Variants in PNKD observed in about 807,000 individuals in gnomAD.
PNKD encodes the protein PNKD metallo-beta-lactamase domain containing, also known as probable thioesterase PNKD.
PNKD carries 36 observed loss-of-function variants against 45.3 expected under a neutral mutation model. The observed-to-expected ratio is 0.80, with a 90% CI of 0.61 to 1.05. PNKD has a LOEUF of 1.05. Ranked by LOEUF, PNKD falls within the 50% of genes least tolerant of loss-of-function variation. PNKD has a pLI of 0.00. For missense variants in PNKD, 511 were observed against 506.6 expected (o/e 1.01, Z -0.08); for synonymous variants, 197 against 210.1 (o/e 0.94, Z 0.54).
rs1355862738 is a variant in PNKD at position 218,343,555 on chromosome 2, G to A, written c.837G>A (p.Leu279=). 6.8e-6 allele frequency: 11 copies of A among 1,613,418 alleles called. No homozygotes were observed. The highest frequency in any genetic ancestry group is 1.6e-4 in the Middle Eastern group (1 of 6,084). ...TGCTGAGCTCACTGGACACTGTGCTGGGGCTAGGGGATGACACCCTTCTGT... is the reference window on the plus strand; with the variant it reads ...TGCTGAGCTCACTGGACACTGTGCTAGGGCTAGGGGATGACACCCTTCTGT... ...ETMLSSLDTV[L]GLGDDTLLWP... is the part of the protein sequence containing the mutation. Residue 279 remains leucine, a synonymous_variant, in exon 8 of 10, where the codon CTG becomes CTA. Coordinates refer to ENST00000273077, the MANE Select transcript of PNKD (RefSeq NM_015488.5).
At chr2:218,310,081 G>A (rs1393051400) in intron 2 of PNKD, among the ~76,000 whole-genome samples, 2 of 152,142 alleles carry the variant, frequency 1.3e-5, no homozygotes, top group Admixed American at 1.3e-4. Flanking sequence ...CTCGGGTGCT[G>A]GCATTTCCTC....
At chr2:218,308,187 G>T (rs1239686510) in intron 2 of PNKD, among the ~76,000 whole-genome samples, 1 of 138,228 alleles carries the variant, frequency 7.2e-6, no homozygotes, top group African/African-American at 2.6e-5. Context: ...AAGCATTTTA[G>T]ATTTTTTTTT....
chr2:218,315,057 T>TCTTTCTTTTTCTTCCTTCCTTCCTTC lies in PNKD; in HGVS notation c.237-24723_237-24722insTCTTTTTCTTCCTTCCTTCCTTCCTT, dbSNP rs61429059. Among the ~76,000 whole-genome samples, 3 of 55,544 alleles carry TCTTTCTTTTTCTTCCTTCCTTCCTTC rather than the reference T, an allele frequency of 5.4e-5. 1 individual carries two copies. Among genetic ancestry groups the TCTTTCTTTTTCTTCCTTCCTTCCTTC allele is most frequent in the Non-Finnish European group, 1.2e-4 (3 of 25,620 alleles). The allele number at this position is 55,544 out of a possible 152,430, so 36.4% of individuals were successfully genotyped here. A position where few individuals can be genotyped will look rare whatever the true frequency, so the allele number is the denominator to read the frequency against. On this transcript the variant is annotated intron_variant, in intron 2 of 9. Coordinates refer to ENST00000273077, the MANE Select transcript of PNKD (RefSeq NM_015488.5). Reference sequence around the variant, plus strand: ...CTTTCTTTTTCTTTCTTTCTTTCTTTCTTCCTTCCTTCCTTCCTTTCTTTC... The same window carrying TCTTTCTTTTTCTTCCTTCCTTCCTTC: ...CTTTCTTTTTCTTTCTTTCTTTCTTTCTTTCTTTTTCTTCCTTCCTTCCTTCCTTCCTTCCTTCCTTCCTTTCTTTC...
intron 2 of PNKD, chr2:218,323,052 C>A: frequency 1.9e-6 from 1 of 532,466 alleles, no homozygotes; most frequent in Non-Finnish European, 2.7e-6. Context: ...GCCAGCCGGG[C>A]GGAGCCAGGC....
Position 218,346,058 on chromosome 2 carries a change from G to A in PNKD, c.*1077G>A, listed in dbSNP as rs9076. 67,991 of 152,204 alleles carry A rather than the reference G, an allele frequency of 0.45. 17,051 individuals are homozygous for A. The highest frequency in any genetic ancestry group is 0.63 in the East Asian group (3,321 of 5,298). 9.4% of individuals were successfully genotyped at this position (152,204 alleles called of 1,614,324 possible). ...GGCTGGCAGGAGGGGGCTCTGACGTGCAGGTTGGAAATCAGAAGTCTGTGA... is the reference window on the plus strand; with the variant it reads ...GGCTGGCAGGAGGGGGCTCTGACGTACAGGTTGGAAATCAGAAGTCTGTGA... On this transcript the variant is annotated 3_prime_UTR_variant, in exon 10 of 10. Transcript: ENST00000273077.
intron 7 of PNKD, among the ~76,000 whole-genome samples, chr2:218,343,085 T>C (rs1694727521): frequency 6.6e-6 from 1 of 152,008 alleles, no homozygotes; most frequent in South Asian, 2.1e-4. Flanking sequence ...ATACAGTGAC[T>C]GGCAGGACTA....
rs529589318 is a variant in PNKD, at chr2:218,340,296, G to A, written c.465+155G>A. Reference sequence around the variant, plus strand: ...TGCACATGCGCACACATAGCCTGGGGAAGGGGGGTACAGGGCATGGCTGGG... The same window carrying A: ...TGCACATGCGCACACATAGCCTGGGAAAGGGGGGTACAGGGCATGGCTGGG... On this transcript the variant is annotated intron_variant, in intron 4 of 9. Transcript: ENST00000273077. This position sits in a 1 kb window ranked among gnomAD's most constrained non-coding sequence, Gnocchi z 4.2. Among the ~76,000 whole-genome samples the A allele has an allele frequency of 6.6e-6, 1 of 152,266 alleles. No individual in the cohort carries two copies. The highest frequency in any genetic ancestry group is 1.9e-4 in the East Asian group (1 of 5,172).
At chr2:218,305,279 G>A (rs571997238) in intron 2 of PNKD, among the ~76,000 whole-genome samples, 1 of 152,216 alleles carries the variant, frequency 6.6e-6, no homozygotes, top group South Asian at 2.1e-4. Context: ...GGGGATGAGG[G>A]AGAGACAAAC....
At chr2:218,295,178 G>T (rs1045062678) in intron 2 of PNKD, among the ~76,000 whole-genome samples, 1 of 152,164 alleles carries the variant, frequency 6.6e-6, no homozygotes, top group African/African-American at 2.4e-5. Flanking sequence ...GCAGTGCTTC[G>T]CTGGCAATAG....
intron 2 of PNKD, among the ~76,000 whole-genome samples, chr2:218,303,574 C>CT (rs59067154): frequency 0.018 from 1,812 of 101,650 alleles, 48 homozygotes; most frequent in East Asian, 0.036. Flanking sequence ...ACCTGCACTT[C>CT]TTTTTTTTTT....
chr2:218,312,028 A>C (rs1693630110), intron 2 of PNKD, among the ~76,000 whole-genome samples: 1 of 152,250 alleles, frequency 6.6e-6, no homozygotes, highest in African/African-American at 2.4e-5. Flanking sequence ...AACAAGGCAC[A>C]TCCTGCACAG....
At chr2:218,280,215 G>A (rs771664213) in intron 2 of PNKD, 3 of 956,510 alleles carry the variant, frequency 3.1e-6, no homozygotes, top group South Asian at 2.7e-5. Flanking sequence ...AAGTCTCAGG[G>A]ATCTCCAGCC....
At position 218,271,542 on chromosome 2, in the gene PNKD, CTGGCCTGG is replaced by C. The variant is rs1690832713; in HGVS notation, c.232_236+3del. The stretch of plus-strand genomic sequence containing the variant: ...CAAGAACCCCATGAAAGCTGTGGGA[CTGGCCTGG>C]TGAGTTTTAACCACCCCTTTGCCCA... On this transcript the variant is annotated splice_donor_variant and coding_sequence_variant, in exon 2 of 10. Transcript: ENST00000273077. LOFTEE classifies it high-confidence loss of function. The C allele has an allele frequency of 1.9e-6, 3 of 1,614,040 alleles. No individual in the cohort carries two copies. Among genetic ancestry groups the C allele is most frequent in the Non-Finnish European group, 2.5e-6 (3 of 1,179,986 alleles).
chr2:218,295,843 C>G (rs577027350), intron 2 of PNKD, among the ~76,000 whole-genome samples: 1 of 129,766 alleles, frequency 7.7e-6, no homozygotes, highest in African/African-American at 2.5e-5. Context: ...AAACAACAAA[C>G]CTTTTTTTTT....
At chr2:218,327,191 C>G (rs921606035) in intron 2 of PNKD, 1 of 152,238 alleles carries the variant, frequency 6.6e-6, no homozygotes. Flanking sequence ...CCTCCCTGAC[C>G]AAGCCCCCTC....
chr2:218,308,546 T>G (rs1250167619), intron 2 of PNKD, among the ~76,000 whole-genome samples: 1 of 151,518 alleles, frequency 6.6e-6, no homozygotes, highest in African/African-American at 2.4e-5. Flanking sequence ...TTATTCAAAA[T>G]TTACCCAGTT....
chr2:218,338,486 G>A (rs1009808093), intron 2 of PNKD, among the ~76,000 whole-genome samples: 5 of 151,124 alleles, frequency 3.3e-5, no homozygotes, highest in African/African-American at 1.2e-4. Flanking sequence ...AGAATTTCAG[G>A]TGGGACACGG....
intron 2 of PNKD, among the ~76,000 whole-genome samples, chr2:218,297,684 CAAAAAAAAAAA>C (rs71064428): frequency 4.8e-5 from 2 of 41,986 alleles, no homozygotes; most frequent in African/African-American, 2.7e-4. Context: ...GACTCCGTCT[CAAAAAAAAAAA>C]AAAAAAAAAA....
chr2:218,343,885 C>T (rs1206205853), intron 8 of PNKD, among the ~76,000 whole-genome samples: 2 of 152,350 alleles, frequency 1.3e-5, no homozygotes, highest in East Asian at 1.9e-4. Context: ...TAGCCTTAGC[C>T]CAGAACAGAA....
Sources: gnomAD v4.1 joint callset for allele counts (sites outside exome capture counted in the v4.1 genomes callset) on GRCh38, gnomAD v4.1.1 for gene constraint, Gnocchi (gnomAD v3.1) non-coding constraint, MANE v1.5 for transcripts, NCBI Gene and HGNC (gene_info 2026-07-23, HGNC 2026-07-21) for gene names.